NRXN1: variants seen among roughly 807,000 people sequenced by gnomAD.
NRXN1 encodes neurexin-1.
A neutral mutation model predicts 150.9 loss-of-function variants in NRXN1; 39 were observed. The ratio of observed to expected loss-of-function variants is 0.26; its 90% CI spans 0.20 to 0.34. NRXN1 has a LOEUF of 0.34. NRXN1 is among the 10% of genes least tolerant of loss of function. NRXN1 has a pLI of 1.00. For synonymous variants in NRXN1, 924 were observed against 757.0 expected, an observed-to-expected ratio of 1.22 and a Z score of -3.62; for missense variants, 1,815 against 1,949.9, an observed-to-expected ratio of 0.93 and a Z score of 1.30.
At chr2:50,804,304 G>T (rs1667229288) in intron 5 of NRXN1, among the ~76,000 whole-genome samples, 1 of 152,100 alleles carries the variant, frequency 6.6e-6, no homozygotes, top group African/African-American at 2.4e-5. Context: ...AAAATAACAA[G>T]AGCTACCATT....
chr2:50,444,370 T>C (rs2086220555), intron 17 of NRXN1, among the ~76,000 whole-genome samples: 1 of 152,184 alleles, frequency 6.6e-6, no homozygotes, highest in African/African-American at 2.4e-5. Flanking sequence ...GATTAGCCTC[T>C]TGGAAGCTGA....
chr2:50,710,052 G>A (rs910329941), intron 5 of NRXN1, among the ~76,000 whole-genome samples: 15 of 152,142 alleles, frequency 9.9e-5, no homozygotes, highest in African/African-American at 3.6e-4. Flanking sequence ...CAGAACATGT[G>A]CAATGAATAA....
intron 19 of NRXN1, among the ~76,000 whole-genome samples, chr2:50,080,397 T>C (rs1214685782): frequency 6.6e-6 from 1 of 152,122 alleles, no homozygotes; most frequent in East Asian, 1.9e-4. Flanking sequence ...TATCTGTGAT[T>C]TCTGGCATCC....
At chr2:50,742,377 G>A (rs1016699314) in intron 5 of NRXN1, among the ~76,000 whole-genome samples, 34 of 151,328 alleles carry the variant, frequency 2.2e-4, no homozygotes, top group African/African-American at 7.8e-4. Flanking sequence ...CCCAAGTTTG[G>A]CACTTTGGGA....
At chr2:50,741,763 C>T (rs1699459321) in intron 5 of NRXN1, among the ~76,000 whole-genome samples, 1 of 152,080 alleles carries the variant, frequency 6.6e-6, no homozygotes, top group Admixed American at 6.6e-5. Flanking sequence ...ATGACAATTC[C>T]AGAGAATGTT....
intron 8 of NRXN1, among the ~76,000 whole-genome samples, chr2:50,595,661 A>G (rs79640770): frequency 0.02 from 3,040 of 152,292 alleles, 45 homozygotes; most frequent in Middle Eastern, 0.031. Flanking sequence ...TGATTCCAGG[A>G]AGATTGGAAG....
intron 17 of NRXN1, among the ~76,000 whole-genome samples, chr2:50,328,377 G>A (rs551887541): frequency 6.6e-6 from 1 of 152,212 alleles, no homozygotes; most frequent in African/African-American, 2.4e-5. Flanking sequence ...CAGAAGAGAT[G>A]AATGACTTAA....
At chr2:50,528,246 T>TG (rs1039840101) in intron 12 of NRXN1, among the ~76,000 whole-genome samples, 1 of 151,726 alleles carries the variant, frequency 6.6e-6, no homozygotes, top group African/African-American at 2.4e-5. Flanking sequence ...TAAGTATTTT[T>TG]TTTTGTATTT....
At chr2:50,733,797 A>C (rs1198068908) in intron 5 of NRXN1, among the ~76,000 whole-genome samples, 2 of 152,164 alleles carry the variant, frequency 1.3e-5, no homozygotes, top group East Asian at 3.8e-4. Context: ...ATGGTTTATA[A>C]AGATATTTCT....
At chr2:50,666,091 G>GTGTTTTC (rs1687983245) in intron 5 of NRXN1, among the ~76,000 whole-genome samples, 2 of 151,904 alleles carry the variant, frequency 1.3e-5, no homozygotes, top group Non-Finnish European at 2.9e-5. Flanking sequence ...CAACATTTAT[G>GTGTTTTC]TGTTTTCTGT....
chr2:50,035,345 T>C (rs1028550173), intron 21 of NRXN1, among the ~76,000 whole-genome samples: 4 of 152,130 alleles, frequency 2.6e-5, no homozygotes, highest in Admixed American at 6.6e-5. Context: ...CTCATTTCTC[T>C]ACCCACTTAC....
At chr2:50,796,834 G>T (rs559242423) in intron 5 of NRXN1, among the ~76,000 whole-genome samples, 8 of 152,224 alleles carry the variant, frequency 5.3e-5, no homozygotes, top group Admixed American at 6.5e-5. Context: ...CCTTCAGTTG[G>T]ATAATTTATA....
At chr2:50,935,252 T>C (rs1688359253) in intron 2 of NRXN1, among the ~76,000 whole-genome samples, 1 of 152,042 alleles carries the variant, frequency 6.6e-6, no homozygotes, top group African/African-American at 2.4e-5. Context: ...ATAAACCAAA[T>C]GAGCAAATAA....
rs2104212849 is a variant in NRXN1 at position 49,932,330 on chromosome 2, A to T, written c.4217-10079T>A. Among the ~76,000 whole-genome samples the T allele has an allele frequency of 3.3e-5, 5 of 152,246 alleles. No individual in the cohort carries two copies. The South Asian group carries it at 1.0e-3, about 32-fold the overall frequency. Reference sequence around the variant, plus strand: ...CAGCTTCTGGGGAGGCTGAGGTGGGAGGATCACTTGAGCCCAGCAGTTTGG... The same window carrying T: ...CAGCTTCTGGGGAGGCTGAGGTGGGTGGATCACTTGAGCCCAGCAGTTTGG... On this transcript the variant is annotated intron_variant, in intron 22 of 22. Coordinates refer to ENST00000401669, the MANE Select transcript of NRXN1 (RefSeq NM_001330078.2).
At chr2:50,497,005 C>T (rs1451107830) in intron 14 of NRXN1, among the ~76,000 whole-genome samples, 1 of 152,108 alleles carries the variant, frequency 6.6e-6, no homozygotes, top group Non-Finnish European at 1.5e-5. Flanking sequence ...TCCTACAAAC[C>T]TGTATCAATG....
At chr2:50,985,093 G>A (rs1406788644) in intron 2 of NRXN1, among the ~76,000 whole-genome samples, 2 of 151,808 alleles carry the variant, frequency 1.3e-5, no homozygotes, top group Non-Finnish European at 2.9e-5. Context: ...AGATTTTGAG[G>A]GCTATCTTAA....
chr2:50,844,551 G>A (rs1673356467), intron 5 of NRXN1, among the ~76,000 whole-genome samples: 1 of 152,198 alleles, frequency 6.6e-6, no homozygotes, highest in Non-Finnish European at 1.5e-5. Context: ...TATTTGGGGA[G>A]CAGCCTTTTG....
chr2:50,245,020 A>G (rs1296108057), intron 17 of NRXN1, among the ~76,000 whole-genome samples: 1 of 151,962 alleles, frequency 6.6e-6, no homozygotes, highest in Non-Finnish European at 1.5e-5. Context: ...GTTCAACCCA[A>G]TGAACACTAC....
chr2:50,900,059 C>G (rs1682680949), intron 5 of NRXN1, among the ~76,000 whole-genome samples: 1 of 152,038 alleles, frequency 6.6e-6, no homozygotes, highest in South Asian at 2.1e-4. Context: ...ATAAAATAAT[C>G]AGAGAATTAA....
Sources: gnomAD v4.1 joint callset for allele counts (sites outside exome capture counted in the v4.1 genomes callset) on GRCh38, gnomAD v4.1.1 for gene constraint, MANE v1.5 for transcripts, NCBI Gene and HGNC (gene_info 2026-07-23, HGNC 2026-07-21) for gene names.